KLHL34: variants seen among roughly 807,000 people sequenced by gnomAD.
KLHL34 encodes the protein kelch like family member 34, also known as kelch-like protein 34.
In KLHL34, 24 loss-of-function variants were observed where a neutral mutation model predicts 23.8. The ratio of observed to expected loss-of-function variants is 1.01; its 90% CI spans 0.73 to 1.42. The LOEUF (loss-of-function observed/expected upper bound fraction) is 1.42, where lower values mean the gene tolerates loss of function less well. Ranked by LOEUF, KLHL34 falls within the 40% of genes most tolerant of loss-of-function variation. The probability of loss-of-function intolerance (pLI) is 0.00; values close to 1 mark genes in which losing one functional copy is unlikely to be tolerated. For synonymous variants in KLHL34, 303 were observed against 287.9 expected, an observed-to-expected ratio of 1.05 and a Z score of -0.53; for missense variants, 652 against 595.1, an observed-to-expected ratio of 1.10 and a Z score of -0.99.
In KLHL34 at chrX:21,654,965, C is replaced by T. The variant is rs1241467170; in HGVS notation, c.*889G>A. 8.9e-6 allele frequency: 1 copy of T among 111,796 alleles called. No individual in the cohort carries two copies. Among genetic ancestry groups the T allele is most frequent in the Non-Finnish European group, 1.9e-5 (1 of 53,143 alleles). The allele number at this position is 111,796 out of a possible 1,213,427, so 9.2% of individuals were successfully genotyped here. A position where few individuals can be genotyped will look rare whatever the true frequency, so the allele number is the denominator to read the frequency against. On this transcript the variant is annotated 3_prime_UTR_variant, in exon 1 of 1. Transcript: ENST00000379499. ...ATTCTTTTGGGGGAAGTGGGGGTAA[C>T]CACCAAAAATTGATTTTTTTTTACA... is the stretch of plus-strand genomic sequence containing the variant.
Position 21,657,990 on chromosome X carries a change from C to T in KLHL34, c.-202G>A. The T allele has an allele frequency of 1.8e-6, 1 of 558,921 alleles. No individual in the cohort carries two copies. The highest frequency in any genetic ancestry group is 4.8e-5 in the Admixed American group (1 of 20,643). 46.1% of individuals were successfully genotyped at this position (558,921 alleles called of 1,213,427 possible). A position where few individuals can be genotyped will look rare whatever the true frequency, so the allele number is the denominator to read the frequency against. ...CCCAGTGCCCCTCTCAGAGCAAATC[C>T]AGTCTGGAAACGGTTTTCGGAGGCC... is the stretch of plus-strand genomic sequence containing the variant. On this transcript the variant is annotated 5_prime_UTR_variant, in exon 1 of 1. An upstream open reading frame in the 5' UTR gains an earlier in-frame stop. Coordinates refer to ENST00000379499, the MANE Select transcript of KLHL34 (RefSeq NM_153270.3).
At position 21,655,899 on chromosome X, in the gene KLHL34, C is replaced by A; in HGVS notation, c.1890G>T (p.Glu630Asp). 2 of 1,205,680 alleles carry A rather than the reference C, an allele frequency of 1.7e-6. No homozygotes were observed. Among genetic ancestry groups the A allele is most frequent in the Non-Finnish European group, 2.2e-6 (2 of 891,923 alleles). Residue 630 changes from glutamate to aspartate, a missense_variant, in exon 1 of 1, where the codon GAG (glutamate) becomes GAT (aspartate). Glu to Asp is a conservative substitution (Grantham distance 45). Transcript: ENST00000379499. ...GCGCCTCTCCAACCTCTCCCTCCCT[C>A]TCGTCGTCCCCACCCTCGGCCAGCT... The part of the protein sequence containing the change: ...VLQLAEGGDD[E>D]REGEVGEALD...
Position 21,656,490 on chromosome X carries a change from C to T in KLHL34, c.1299G>A (p.Leu433=). ...VGERLLAVGG[L]GAGGEVLASV... is the part of the protein sequence containing the mutation. ...AGGCCAGCACCTCACCGCCCGCACC[C>T]AGGCCCCCGACGGCCAGGAGCCTCT... Residue 433 remains leucine (L), a synonymous_variant, in exon 1 of 1, where the codon CTG becomes CTA. Coordinates refer to ENST00000379499, the MANE Select transcript of KLHL34 (RefSeq NM_153270.3). 1 of 1,197,711 alleles carries T rather than the reference C, an allele frequency of 8.3e-7. No homozygotes were observed. The highest frequency in any genetic ancestry group is 1.1e-6 in the Non-Finnish European group (1 of 889,739).
chrX:21,656,543 C>T lies in KLHL34; in HGVS notation c.1246G>A (p.Ala416Thr), dbSNP rs760191486. The change falls in exon 1 of 1, where the codon GCC becomes ACC. Residue 416 changes from alanine (A) to threonine (T), a missense_variant. Transcript: ENST00000379499. ...CCCACCGCGCCGCACCAGAAGTGGGCCCGCGCTTCCCGCATGGCGGGCACT... is the reference window on the plus strand; with the variant it reads ...CCCACCGCGCCGCACCAGAAGTGGGTCCGCGCTTCCCGCATGGCGGGCACT... ...TEVPAMREAR[A>T]HFWCGAVGER... is the part of the protein sequence containing the mutation. 1.2e-5 allele frequency: 14 copies of T among 1,195,230 alleles called. No individual in the cohort carries two copies. The highest frequency in any genetic ancestry group is 1.1e-4 in the African/African-American group (6 of 57,104).
rs775019237 is a variant in KLHL34, at chrX:21,657,125, G to T, written c.664C>A (p.Arg222Ser). The change falls in exon 1 of 1, where the codon CGT becomes AGT. Residue 222 changes from arginine (R) to serine (S), a missense_variant. Arg to Ser is a moderately radical substitution (Grantham distance 110). Transcript: ENST00000379499. Reference protein sequence around the residue: ...RLAHCTELLERVRFGLVPADV... With the variant: ...RLAHCTELLESVRFGLVPADV... ...GCGGGAACCAGGCCAAAGCGGACAC[G>T]CTCCAGCAACTCTGTACAGTGTGCC... The T allele has an allele frequency of 2.5e-6, 3 of 1,206,495 alleles. No individual in the cohort carries two copies. The highest frequency in any genetic ancestry group is 3.5e-5 in the South Asian group (2 of 56,453).
rs753103757 is a variant in KLHL34 at position 21,656,502 on chromosome X, G to C, written c.1287C>G (p.Ala429=). 1.5e-5 allele frequency: 18 copies of C among 1,197,446 alleles called. No individual in the cohort carries two copies. In the Admixed American group the frequency reaches 2.0e-4, roughly 13 times the overall value. Residue 429 remains alanine (A), a synonymous_variant, in exon 1 of 1, where the codon GCC becomes GCG. Transcript: ENST00000379499. ...CACCGCCCGCACCCAGGCCCCCGAC[G>C]GCCAGGAGCCTCTCGCCCACCGCGC... The part of the protein sequence containing the change: ...WCGAVGERLL[A]VGGLGAGGEV...
In KLHL34 at chrX:21,657,467, A is replaced by G; in HGVS notation, c.322T>C (p.Tyr108His). The change falls in exon 1 of 1, where the codon TAC becomes CAC. Residue 108 changes from tyrosine to histidine, a missense_variant. By Grantham distance (83) the Tyr-to-His change is moderately conservative. Coordinates refer to ENST00000379499, the MANE Select transcript of KLHL34 (RefSeq NM_153270.3). ...TVEDTLEAAS[Y>H]LQVTEALGLC... Reference sequence around the variant, plus strand: ...CCCAGGGCCTCAGTGACCTGCAGGTAGCTGGCGGCCTCCAGAGTGTCCTCT... The same window carrying G: ...CCCAGGGCCTCAGTGACCTGCAGGTGGCTGGCGGCCTCCAGAGTGTCCTCT... The G allele has an allele frequency of 1.7e-6, 2 of 1,209,011 alleles. No individual in the cohort carries two copies. The highest frequency in any genetic ancestry group is 3.6e-5 in the South Asian group (2 of 56,315).
Position 21,656,308 on chromosome X carries a change from C to G in KLHL34, c.1481G>C (p.Arg494Pro). Residue 494 changes from arginine to proline, a missense_variant, in exon 1 of 1, where the codon CGG becomes CCG. Transcript: ENST00000379499. The part of the protein sequence containing the change: ...GRGEGGASSL[R>P]DLYVLGPEEQ... ...CTCAGGGCCCAGGACGTATAAGTCC[C>G]GGAGGCTGCTCGCTCCGCCCTCGCC... is the stretch of plus-strand genomic sequence containing the variant. 8.3e-7 allele frequency: 1 copy of G among 1,200,780 alleles called. No individual in the cohort carries two copies. The highest frequency in any genetic ancestry group is 1.7e-5 in the African/African-American group (1 of 57,606).
chrX:21,656,006 A>G lies in KLHL34; in HGVS notation c.1783T>C (p.Tyr595His). 1 of 1,209,519 alleles carries G rather than the reference A, an allele frequency of 8.3e-7. No individual in the cohort carries two copies. Among genetic ancestry groups the G allele is most frequent in the Non-Finnish European group, 1.1e-6 (1 of 894,535 alleles). Residue 595 changes from tyrosine (Y) to histidine (H), a missense_variant, in exon 1 of 1, where the codon TAC becomes CAC. Coordinates refer to ENST00000379499, the MANE Select transcript of KLHL34 (RefSeq NM_153270.3). Reference sequence around the variant, plus strand: ...TCCCAACGGTCCAGGTCGAGGTCGTAGCCCACTACGTTGCGGGTAGGCACC... The same window carrying G: ...TCCCAACGGTCCAGGTCGAGGTCGTGGCCCACTACGTTGCGGGTAGGCACC... ...RQVPTRNVVG[Y>H]DLDLDRWEDI...
In KLHL34 at chrX:21,655,743, A is replaced by G; in HGVS notation, c.*111T>C. ...CCTTGTTTGCCTGTTAACCTTCAGA[A>G]GCCACTCTGCTCCCAGAATCCCTTT... On this transcript the variant is annotated 3_prime_UTR_variant, in exon 1 of 1. Coordinates refer to ENST00000379499, the MANE Select transcript of KLHL34 (RefSeq NM_153270.3). 4 of 1,061,400 alleles carry G rather than the reference A, an allele frequency of 3.8e-6. No homozygotes were observed. The highest frequency in any genetic ancestry group is 4.9e-6 in the Non-Finnish European group (4 of 820,126). 87.5% of individuals were successfully genotyped at this position (1,061,400 alleles called of 1,213,427 possible). A position where few individuals can be genotyped will look rare whatever the true frequency, so the allele number is the denominator to read the frequency against.
Position 21,656,302 on chromosome X carries a change from A to G in KLHL34, c.1487T>C (p.Leu496Ser), listed in dbSNP as rs1160517309. Residue 496 changes from leucine (L) to serine (S), a missense_variant, in exon 1 of 1, where the codon TTA (leucine) becomes TCA (serine). Transcript: ENST00000379499. ...GEGGASSLRD[L>S]YVLGPEEQVW... Reference sequence around the variant, plus strand: ...CTGCTCCTCAGGGCCCAGGACGTATAAGTCCCGGAGGCTGCTCGCTCCGCC... The same window carrying G: ...CTGCTCCTCAGGGCCCAGGACGTATGAGTCCCGGAGGCTGCTCGCTCCGCC... 1 of 1,200,773 alleles carries G rather than the reference A, an allele frequency of 8.3e-7. No homozygotes were observed. Among genetic ancestry groups the G allele is most frequent in the Non-Finnish European group, 1.1e-6 (1 of 890,338 alleles).
At position 21,656,814 on chromosome X, in the gene KLHL34, C is replaced by CTCCTCT; in HGVS notation, c.969_974dup (p.Glu328_Glu329dup). ...GGGTGAGCTCCCACTCCTCCTCCTC[C>CTCCTCT]TCCTCTTCCTCCAACTCTTCCTCTT... On this transcript the variant is annotated inframe_insertion, in exon 1 of 1. Coordinates refer to ENST00000379499, the MANE Select transcript of KLHL34 (RefSeq NM_153270.3). 5.9e-6 allele frequency: 7 copies of CTCCTCT among 1,191,615 alleles called. No homozygotes were observed. The highest frequency in any genetic ancestry group is 7.9e-6 in the Non-Finnish European group (7 of 885,332).
rs747804174 is a variant in KLHL34, at chrX:21,656,195, G to C, written c.1594C>G (p.Leu532Val). Reference sequence around the variant, plus strand: ...TCAGAGAAGGGCTCGTATCGCCCCAGAAAAGCAAACACAGCGCCGCGCAGC... The same window carrying C: ...TCAGAGAAGGGCTCGTATCGCCCCACAAAAGCAAACACAGCGCCGCGCAGC... ...AVLRGAVFAF[L>V]GRYEPFSEIE... is the part of the protein sequence containing the mutation. The change falls in exon 1 of 1, where the codon CTG (leucine) becomes GTG (valine). Residue 532 changes from leucine to valine, a missense_variant. Leu to Val is a conservative substitution (Grantham distance 32). Transcript: ENST00000379499. 14 of 1,178,816 alleles carry C rather than the reference G, an allele frequency of 1.2e-5. No homozygotes were observed. The highest frequency in any genetic ancestry group is 1.6e-5 in the Non-Finnish European group (14 of 878,408).
Position 21,656,498 on chromosome X carries a change from C to A in KLHL34, c.1291G>T (p.Gly431Trp). ...GAVGERLLAV[G>W]GLGAGGEVLA... ...ACCTCACCGCCCGCACCCAGGCCCC[C>A]GACGGCCAGGAGCCTCTCGCCCACC... Residue 431 changes from glycine (G) to tryptophan (W), a missense_variant, in exon 1 of 1, where the codon GGG (glycine) becomes TGG (tryptophan). Coordinates refer to ENST00000379499, the MANE Select transcript of KLHL34 (RefSeq NM_153270.3). The A allele has an allele frequency of 8.4e-7, 1 of 1,197,355 alleles. No individual in the cohort carries two copies. The highest frequency in any genetic ancestry group is 1.1e-6 in the Non-Finnish European group (1 of 889,440).
rs751467744 is a variant in KLHL34 at position 21,656,732 on chromosome X, G to A, written c.1057C>T (p.Pro353Ser). The change falls in exon 1 of 1, where the codon CCC becomes TCC. Residue 353 changes from proline to serine, a missense_variant. Pro to Ser is a moderately conservative substitution (Grantham distance 74). Coordinates refer to ENST00000379499, the MANE Select transcript of KLHL34 (RefSeq NM_153270.3). The part of the protein sequence containing the change: ...NHRWRSLTQL[P>S]TPLLGHSVCT... Reference sequence around the variant, plus strand: ...ACGCTGTGCCCCAGCAGTGGTGTGGGTAGCTGCGTAAGGCTGCGCCAGCGG... The same window carrying A: ...ACGCTGTGCCCCAGCAGTGGTGTGGATAGCTGCGTAAGGCTGCGCCAGCGG... 2 of 1,204,007 alleles carry A rather than the reference G, an allele frequency of 1.7e-6. No individual in the cohort carries two copies. The highest frequency in any genetic ancestry group is 2.2e-5 in the Admixed American group (1 of 45,578).
In KLHL34 at chrX:21,657,195, G is replaced by A. The variant is rs1411626429; in HGVS notation, c.594C>T (p.Gly198=). 1.7e-6 allele frequency: 2 copies of A among 1,201,504 alleles called. No individual in the cohort carries two copies. Among genetic ancestry groups the A allele is most frequent in the Non-Finnish European group, 2.2e-6 (2 of 891,438 alleles). Residue 198 remains glycine, a synonymous_variant, in exon 1 of 1, where the codon GGC becomes GGT. Transcript: ENST00000379499. ...CCTGCCGCAACCAAGCTAACGCCAG[G>A]CCCAGTAGCCGGGCCTCGGGCACCC... ...VARVPEARLL[G]LALAWLRQEP... is the part of the protein sequence containing the mutation.
In KLHL34 at chrX:21,656,020, C is replaced by T; in HGVS notation, c.1769G>A (p.Arg590His). 1 of 1,205,915 alleles carries T rather than the reference C, an allele frequency of 8.3e-7. No homozygotes were observed. The highest frequency in any genetic ancestry group is 1.8e-5 in the South Asian group (1 of 56,033). ...GTCGAGGTCGTAGCCCACTACGTTG[C>T]GGGTAGGCACCTGGCGCGAGTCCCG... ...KWRDSRQVPTRNVVGYDLDLD... is the reference protein window; with the variant it reads ...KWRDSRQVPTHNVVGYDLDLD... Residue 590 changes from arginine to histidine, a missense_variant, in exon 1 of 1, where the codon CGC becomes CAC. Arg to His is a conservative substitution (Grantham distance 29). Transcript: ENST00000379499.
chrX:21,657,699 G>A lies in KLHL34; in HGVS notation c.90C>T (p.Asp30=), dbSNP rs761882723. 4.2e-6 allele frequency: 5 copies of A among 1,204,254 alleles called. No homozygotes were observed. In the African/African-American group the frequency reaches 7.0e-5, roughly 17 times the overall value. The change falls in exon 1 of 1, where the codon GAC becomes GAT. Residue 30 remains aspartate (D), a synonymous_variant. Transcript: ENST00000379499. ...QALRAEGFLC[D]VTLETEGSEF... is the part of the protein sequence containing the mutation. The stretch of plus-strand genomic sequence containing the variant: ...CGCTGCCCTCGGTCTCCAGTGTCAC[G>A]TCGCACAGGAAGCCCTCGGCGCGCA...
rs777962151 is a variant in KLHL34 at position 21,656,036 on chromosome X, G to T, written c.1753C>A (p.Arg585Ser). 2 of 1,195,766 alleles carry T rather than the reference G, an allele frequency of 1.7e-6. No homozygotes were observed. Among genetic ancestry groups the T allele is most frequent in the African/African-American group, 3.5e-5 (2 of 57,077 alleles). Residue 585 changes from arginine to serine, a missense_variant, in exon 1 of 1, where the codon CGC becomes AGC. Arg to Ser is a moderately radical substitution (Grantham distance 110). Coordinates refer to ENST00000379499, the MANE Select transcript of KLHL34 (RefSeq NM_153270.3). ...ACTACGTTGCGGGTAGGCACCTGGCGCGAGTCCCGCCACTTGAGGCCGCCC... is the reference window on the plus strand; with the variant it reads ...ACTACGTTGCGGGTAGGCACCTGGCTCGAGTCCCGCCACTTGAGGCCGCCC... ...LLGGLKWRDS[R>S]QVPTRNVVGY...
Sources: allele counts gnomAD v4.1 joint callset, GRCh38; gene constraint gnomAD v4.1.1; transcripts MANE v1.5; gene names NCBI Gene and HGNC (gene_info 2026-07-23, HGNC 2026-07-21).